Variants in CYP1B1 observed in about 807,000 individuals in gnomAD.
CYP1B1 encodes the protein cytochrome P450 family 1 subfamily B member 1, also known as cytochrome P450 1B1.
A neutral mutation model predicts 29.9 loss-of-function variants in CYP1B1; 22 were observed. The observed-to-expected ratio is 0.74, with a 90% confidence interval of 0.53 to 1.05. The LOEUF (loss-of-function observed/expected upper bound fraction) is 1.05. Ranked by LOEUF, CYP1B1 falls within the 50% of genes least tolerant of loss-of-function variation. The pLI is 0.00. For missense variants in CYP1B1, 883 were observed against 746.9 expected (o/e 1.18, Z -2.12); for synonymous variants, 375 against 320.0 (o/e 1.17, Z -1.83).
At position 38,071,026 on chromosome 2, in the gene CYP1B1, G is replaced by A. The variant is rs4986888; in HGVS notation, c.1328C>T (p.Ala443Val). 1 of 1,614,070 alleles carries A rather than the reference G, an allele frequency of 6.2e-7. No homozygotes were observed. Among genetic ancestry groups the A allele is most frequent in the East Asian group, 2.2e-5 (1 of 44,884 alleles). The change falls in exon 3 of 3, where the codon GCT becomes GTT. Residue 443 changes from alanine to valine, a missense_variant. Coordinates refer to ENST00000610745, the MANE Select transcript of CYP1B1 (RefSeq NM_000104.4). The stretch of plus-strand genomic sequence containing the variant: ...GAGGCCATCCTTGTCCAAGAATCGA[G>A]CTGGATCAAAGTTCTCCGGGTTAGG... Reference protein sequence around the residue: ...KWPNPENFDPARFLDKDGLIN... With the variant: ...KWPNPENFDPVRFLDKDGLIN...
Position 38,075,310 on chromosome 2 carries a change from G to A in CYP1B1, c.79C>T (p.Leu27=), listed in dbSNP as rs1682516770. Residue 27 remains leucine (L), a synonymous_variant, in exon 2 of 3, where the codon CTG becomes TTG. Coordinates refer to ENST00000610745, the MANE Select transcript of CYP1B1 (RefSeq NM_000104.4). ...SIQQTTLLLL[L]SVLATVHVGQ... is the part of the protein sequence containing the mutation. ...ACATGCACAGTGGCCAGCACCGACA[G>A]GAGTAGCAGGAGCGTGGTCTGCTGG... 5 of 1,612,000 alleles carry A rather than the reference G, an allele frequency of 3.1e-6. No homozygotes were observed. The highest frequency in any genetic ancestry group is 1.7e-4 in the Middle Eastern group (1 of 5,778).
At position 38,070,988 on chromosome 2, in the gene CYP1B1, G is replaced by A; in HGVS notation, c.1366C>T (p.Leu456=). 1 of 1,614,148 alleles carries A rather than the reference G, an allele frequency of 6.2e-7. No individual in the cohort carries two copies. ...LDKDGLINKD[L]TSRVMIFSVG... is the part of the protein sequence containing the mutation. ...GAAAAAATCATCACTCTGCTGGTCAGGTCCTTGTTGATGAGGCCATCCTTG... is the reference window on the plus strand; with the variant it reads ...GAAAAAATCATCACTCTGCTGGTCAAGTCCTTGTTGATGAGGCCATCCTTG... Residue 456 remains leucine (L), a synonymous_variant, in exon 3 of 3, where the codon CTG becomes TTG. Transcript: ENST00000610745.
intron 1 of CYP1B1, 162 bp downstream of exon 1, chr2:38,075,618 C>T (rs1306982419): frequency 5.0e-6 from 3 of 594,534 alleles, no homozygotes; most frequent in East Asian, 2.8e-5. Flanking sequence ...AAACCCTTCC[C>T]CTCCCCGCAA....
chr2:38,072,963 C>T (rs534808668), intron 2 of CYP1B1, among the ~76,000 whole-genome samples: 1 of 152,222 alleles, frequency 6.6e-6, no homozygotes, highest in South Asian at 2.1e-4. Flanking sequence ...CTTTTTGCCG[C>T]CTAATTGGAG....
Position 38,075,111 on chromosome 2 carries a change from G to A in CYP1B1, c.278C>T (p.Pro93Leu). 3.2e-6 allele frequency: 5 copies of A among 1,580,784 alleles called. No individual in the cohort carries two copies. The highest frequency in any genetic ancestry group is 4.3e-6 in the Non-Finnish European group (5 of 1,171,278). ...GCGCTCGCCATTCAGCACCACTATG[G>A]GGCAGCTGCCCAGGCGGATCTGGAA... ...DVFQIRLGSC[P>L]IVVLNGERAI... Residue 93 changes from proline (P) to leucine (L), a missense_variant, in exon 2 of 3, where the codon CCC becomes CTC. By Grantham distance (98) the Pro-to-Leu change is moderately conservative. Transcript: ENST00000610745.
Position 38,071,045 on chromosome 2 carries a change from G to A in CYP1B1, c.1309C>T (p.Pro437Ser), listed in dbSNP as rs777962233. Residue 437 changes from proline to serine, a missense_variant, in exon 3 of 3, where the codon CCG (proline) becomes TCG (serine). Transcript: ENST00000610745. The part of the protein sequence containing the change: ...VNHDPLKWPN[P>S]ENFDPARFLD... ...AATCGAGCTGGATCAAAGTTCTCCG[G>A]GTTAGGCCACTTCAGTGGGTCATGA... is the stretch of plus-strand genomic sequence containing the variant. 2 of 1,614,052 alleles carry A rather than the reference G, an allele frequency of 1.2e-6. No individual in the cohort carries two copies. Among genetic ancestry groups the A allele is most frequent in the Non-Finnish European group, 1.7e-6 (2 of 1,179,944 alleles).
At chr2:38,075,569 G>A (rs162559) in intron 1 of CYP1B1, 180 bp from the exon 2 acceptor site, 100 of 643,088 alleles carry the variant, frequency 1.6e-4, no homozygotes, top group Non-Finnish European at 2.5e-4. Context: ...CCTTGGAGAA[G>A]AGAAGGGGCG....
At position 38,071,694 on chromosome 2, in the gene CYP1B1, G is replaced by A. The variant is rs765860791; in HGVS notation, c.1044-384C>T. On this transcript the variant is annotated intron_variant, in intron 2 of 2. Coordinates refer to ENST00000610745, the MANE Select transcript of CYP1B1 (RefSeq NM_000104.4). ...TAGGGGCCCATGAAAATATTTTTAC[G>A]TCTTTTACAATCTTCAGACCTAAAA... Among the ~76,000 whole-genome samples the A allele has an allele frequency of 5.4e-4, 82 of 152,180 alleles. 1 individual carries two copies. The highest frequency in any genetic ancestry group is 1.2e-3 in the Admixed American group (19 of 15,286).
chr2:38,073,527 CA>C (rs1454304026), intron 2 of CYP1B1: 1 of 152,192 alleles, frequency 6.6e-6, no homozygotes. Context: ...TTTCTTTTGC[CA>C]AATCTGGCAA....
intron 2 of CYP1B1, 101 bp from the exon 3 acceptor site, chr2:38,071,411 A>C: frequency 9.3e-7 from 1 of 1,075,680 alleles, no homozygotes; most frequent in Non-Finnish European, 1.4e-6. Flanking sequence ...TTTTTCTTAA[A>C]TAGGCTATCT....
In CYP1B1 at chr2:38,075,123, A is replaced by G. The variant is rs768987389; in HGVS notation, c.266T>C (p.Leu89Pro). Residue 89 changes from leucine to proline, a missense_variant, in exon 2 of 3, where the codon CTG becomes CCG. Coordinates refer to ENST00000610745, the MANE Select transcript of CYP1B1 (RefSeq NM_000104.4). ...CAGCACCACTATGGGGCAGCTGCCC[A>G]GGCGGATCTGGAAAACGTCGCCGTA... ...RRYGDVFQIR[L>P]GSCPIVVLNG... 4 of 1,579,226 alleles carry G rather than the reference A, an allele frequency of 2.5e-6. No homozygotes were observed. The highest frequency in any genetic ancestry group is 2.6e-6 in the Non-Finnish European group (3 of 1,170,344).
Position 38,074,902 on chromosome 2 carries a change from G to T in CYP1B1, c.487C>A (p.Arg163Ser). 6.4e-7 allele frequency: 1 copy of T among 1,555,020 alleles called. No homozygotes were observed. The highest frequency in any genetic ancestry group is 8.7e-7 in the Non-Finnish European group (1 of 1,154,440). ...AGCACGTGGCCCTCGAGGACTTGGC[G>T]GCTGCGCGGCTGGCGCGTGAAGAAG... ...RNFFTRQPRS[R>S]QVLEGHVLSE... The change falls in exon 2 of 3, where the codon CGC becomes AGC. Residue 163 changes from arginine to serine, a missense_variant. Physicochemically the swap from Arg to Ser is moderately radical, Grantham distance 110. Transcript: ENST00000610745.
chr2:38,074,946 G>C lies in CYP1B1; in HGVS notation c.443C>G (p.Ala148Gly). 1.3e-6 allele frequency: 2 copies of C among 1,566,038 alleles called. No individual in the cohort carries two copies. Among genetic ancestry groups the C allele is most frequent in the Non-Finnish European group, 8.6e-7 (1 of 1,163,492 alleles). Residue 148 changes from alanine to glycine, a missense_variant, in exon 2 of 3, where the codon GCC becomes GGC. By Grantham distance (60) the Ala-to-Gly change is moderately conservative. Transcript: ENST00000610745. Reference protein sequence around the residue: ...SEHWKVQRRAAHSMMRNFFTR... With the variant: ...SEHWKVQRRAGHSMMRNFFTR... ...GAAGAAGTTGCGCATCATGCTGTGG[G>C]CTGCGCGCCGCTGCACCTTCCAGTG...
At chr2:38,071,476 T>C (rs1328280005) in intron 2 of CYP1B1, among the ~76,000 whole-genome samples, 166 bp from the exon 3 acceptor site, 1 of 152,226 alleles carries the variant, frequency 6.6e-6, no homozygotes, top group Admixed American at 6.5e-5. Flanking sequence ...AGCTTCCTAA[T>C]TTCTCACTAA....
In CYP1B1 at chr2:38,067,739, C is replaced by G. The variant is rs187162676; in HGVS notation, c.*2983G>C. The stretch of plus-strand genomic sequence containing the variant: ...GTTGTTTCCCCAGAATGTACTTTGT[C>G]TACAACTATGCACTGTAGCTATTAT... On this transcript the variant is annotated 3_prime_UTR_variant, in exon 3 of 3. Coordinates refer to ENST00000610745, the MANE Select transcript of CYP1B1 (RefSeq NM_000104.4). 3.3e-5 allele frequency: 6 copies of G among 182,720 alleles called. No homozygotes were observed. In the East Asian group the frequency reaches 5.4e-4, roughly 16 times the overall value. The allele number at this position is 182,720 out of a possible 1,614,324, so 11.3% of individuals were successfully genotyped here. A position where few individuals can be genotyped will look rare whatever the true frequency, so the allele number is the denominator to read the frequency against.
chr2:38,075,686 C>A (rs989867197), intron 1 of CYP1B1, 94 bp downstream of exon 1: 21 of 521,154 alleles, frequency 4.0e-5, no homozygotes, highest in Non-Finnish European at 6.6e-5. Context: ...GGCGGTGGCG[C>A]TTGATTTCCT....
Position 38,074,881 on chromosome 2 carries a change from C to T in CYP1B1, c.508G>A (p.Val170Met), listed in dbSNP as rs1469955295. The T allele has an allele frequency of 1.3e-6, 2 of 1,555,962 alleles. No homozygotes were observed. Among genetic ancestry groups the T allele is most frequent in the Admixed American group, 1.9e-5 (1 of 51,892 alleles). Residue 170 changes from valine (V) to methionine (M), a missense_variant, in exon 2 of 3, where the codon GTG (valine) becomes ATG (methionine). Transcript: ENST00000610745. ...ACCAGCTCGCGCGCCTCGCTCAGCA[C>T]GTGGCCCTCGAGGACTTGGCGGCTG... ...PRSRQVLEGH[V>M]LSEARELVAL...
At position 38,067,931 on chromosome 2, in the gene CYP1B1, AAT is replaced by A. The variant is rs1285264532; in HGVS notation, c.*2789_*2790del. ...ATACTGCTATGCAACTATTTGATCTAATATAGATCTACTAGGAAAATATTAAG... is the reference window on the plus strand; with the variant it reads ...ATACTGCTATGCAACTATTTGATCTAATAGATCTACTAGGAAAATATTAAG... On this transcript the variant is annotated 3_prime_UTR_variant, in exon 3 of 3. Coordinates refer to ENST00000610745, the MANE Select transcript of CYP1B1 (RefSeq NM_000104.4). 1.6e-5 allele frequency: 3 copies of A among 192,416 alleles called. No individual in the cohort carries two copies. The highest frequency in any genetic ancestry group is 7.0e-5 in the African/African-American group (3 of 43,140). The allele number at this position is 192,416 out of a possible 1,614,324, so 11.9% of individuals were successfully genotyped here.
chr2:38,075,525 C>G (rs1370739032), intron 1 of CYP1B1, 136 bp from the exon 2 acceptor site: 1 of 843,778 alleles, frequency 1.2e-6, no homozygotes, highest in South Asian at 1.5e-5. Flanking sequence ...GAGAAATGGC[C>G]GAAGACGCCC....
Sources: gnomAD v4.1 joint callset for allele counts (sites outside exome capture counted in the v4.1 genomes callset) on GRCh38, gnomAD v4.1.1 for gene constraint, MANE v1.5 for transcripts, NCBI Gene and HGNC (gene_info 2026-07-23, HGNC 2026-07-21) for gene names.